The following RTTN variants were observed in gnomAD, a reference collection of about 807,000 sequenced individuals.
RTTN encodes the protein rotatin.
In RTTN, 182 loss-of-function variants were observed where a neutral mutation model predicts 269.2. That is an observed-to-expected ratio of 0.68 (90% CI 0.60 to 0.76). The LOEUF is 0.76. RTTN is among the 30% of genes least tolerant of loss of function. The pLI, the probability that RTTN is intolerant of heterozygous loss-of-function variation, is 0.00. For synonymous variants in RTTN, 1,006 were observed against 963.5 expected, an observed-to-expected ratio of 1.04 and a Z score of -0.82; for missense variants, 2,545 against 2,608.6, an observed-to-expected ratio of 0.98 and a Z score of 0.53.
intron 14 of RTTN, among the ~76,000 whole-genome samples, chr18:70,154,006 CTTTTA>C (rs373786333): frequency 3.2e-4 from 48 of 152,158 alleles, no homozygotes; most frequent in Non-Finnish European, 5.1e-4. Context: ...AGTTCACATT[CTTTTA>C]TTTTATCTCC....
At chr18:70,067,490 A>AT (rs1160778795) in intron 34 of RTTN, among the ~76,000 whole-genome samples, 1 of 152,218 alleles carries the variant, frequency 6.6e-6, no homozygotes, top group Admixed American at 6.5e-5. Context: ...ATATTTGCCT[A>AT]CAATTTGGCA....
In RTTN at chr18:70,088,117, C is replaced by G; in HGVS notation, c.4174G>C (p.Ala1392Pro). 6.2e-7 allele frequency: 1 copy of G among 1,613,636 alleles called. No homozygotes were observed. Among genetic ancestry groups the G allele is most frequent in the Non-Finnish European group, 8.5e-7 (1 of 1,179,814 alleles). Residue 1392 changes from alanine to proline, a missense_variant, in exon 31 of 49, where the codon GCA becomes CCA. By Grantham distance (27) the Ala-to-Pro change is conservative. Coordinates refer to ENST00000640769, the MANE Select transcript of RTTN (RefSeq NM_173630.4). ...CAGCCCGTTTCAAGGGTGGTCAGTG[C>G]TGATCCTAATCCCAGTGAAGTGAAT... Reference protein sequence around the residue: ...VRFTSLGLGSALTTLETGCVA... With the variant: ...VRFTSLGLGSPLTTLETGCVA...
chr18:70,062,867 G>A (rs1465104877), intron 35 of RTTN, among the ~76,000 whole-genome samples: 1 of 152,030 alleles, frequency 6.6e-6, no homozygotes, highest in Non-Finnish European at 1.5e-5. Context: ...TTATTGGTGT[G>A]AGCTGCTGTG....
At chr18:70,187,785 A>C (rs2061580113) in intron 10 of RTTN, among the ~76,000 whole-genome samples, 1 of 152,224 alleles carries the variant, frequency 6.6e-6, no homozygotes, top group Non-Finnish European at 1.5e-5. Context: ...TACAAATTTA[A>C]AATAAGAAAA....
chr18:70,139,693 T>C lies in RTTN; in HGVS notation c.2694A>G (p.Pro898=), dbSNP rs909742780. Residue 898 remains proline, a synonymous_variant, in exon 21 of 49, where the codon CCA becomes CCG. Transcript: ENST00000640769. The stretch of plus-strand genomic sequence containing the variant: ...AAACCTTCCTCAAGAGTGTGAGGCA[T>C]GGTTGTACCAAACATTCTACAACCT... ...DGKVVECLVQ[P]CLTLLRKVLC... 1 of 1,611,986 alleles carries C rather than the reference T, an allele frequency of 6.2e-7. No homozygotes were observed. Among genetic ancestry groups the C allele is most frequent in the Non-Finnish European group, 8.5e-7 (1 of 1,178,394 alleles).
chr18:70,022,492 C>T (rs961971060), intron 44 of RTTN, among the ~76,000 whole-genome samples: 13 of 152,098 alleles, frequency 8.5e-5, no homozygotes, highest in African/African-American at 2.4e-4. Flanking sequence ...TCTTTAAAAA[C>T]GAGCAAAAAC....
intron 1 of RTTN, 103 bp downstream of exon 1, chr18:70,205,525 G>A: frequency 6.7e-7 from 1 of 1,486,616 alleles, no homozygotes; most frequent in Non-Finnish European, 9.4e-7. Context: ...GTGAAAGAGG[G>A]AGCGGTCGCG....
chr18:70,122,931 C>T (rs991853266), intron 25 of RTTN, among the ~76,000 whole-genome samples: 2 of 152,018 alleles, frequency 1.3e-5, no homozygotes, highest in East Asian at 1.9e-4. Context: ...ATTTTATAAC[C>T]ACCCTCATAT....
intron 28 of RTTN, among the ~76,000 whole-genome samples, chr18:70,095,264 CTG>C (rs1240462033): frequency 2.0e-5 from 3 of 152,030 alleles, no homozygotes; most frequent in African/African-American, 7.2e-5. Flanking sequence ...ATTTGCCAGT[CTG>C]TGTCTTTTAA....
At chr18:70,054,110 A>G in intron 38 of RTTN, 21 bp downstream of exon 38, 3 of 1,596,408 alleles carry the variant, frequency 1.9e-6, no homozygotes, top group Non-Finnish European at 2.6e-6. Flanking sequence ...TTACATTCTA[A>G]ACTAAAACAA....
chr18:70,166,121 A>T lies in RTTN; in HGVS notation c.1870T>A (p.Ser624Thr). Residue 624 changes from serine (S) to threonine (T), a missense_variant, in exon 14 of 49, where the codon TCT becomes ACT. Coordinates refer to ENST00000640769, the MANE Select transcript of RTTN (RefSeq NM_173630.4). ...ESQKVLLHML[S>T]HPLPRVKAET... is the part of the protein sequence containing the mutation. Reference sequence around the variant, plus strand: ...GCTTTCACTCGTGGCAATGGGTGAGACAACATATGGAGAAGCACCTTCTGA... The same window carrying T: ...GCTTTCACTCGTGGCAATGGGTGAGTCAACATATGGAGAAGCACCTTCTGA... 1.2e-6 allele frequency: 2 copies of T among 1,613,820 alleles called. No homozygotes were observed. Among genetic ancestry groups the T allele is most frequent in the Non-Finnish European group, 1.7e-6 (2 of 1,179,756 alleles).
chr18:70,085,075 G>A (rs1338989836), intron 32 of RTTN, among the ~76,000 whole-genome samples: 1 of 152,050 alleles, frequency 6.6e-6, no homozygotes, highest in East Asian at 1.9e-4. Context: ...GTATATCCAT[G>A]TACATGGGTC....
At chr18:70,152,479 T>C (rs1011169578) in intron 14 of RTTN, among the ~76,000 whole-genome samples, 2 of 152,184 alleles carry the variant, frequency 1.3e-5, no homozygotes, top group African/African-American at 4.8e-5. Flanking sequence ...GCTCAATAAA[T>C]GTTAGCTGCT....
At chr18:70,186,745 T>C (rs931328082) in intron 10 of RTTN, among the ~76,000 whole-genome samples, 8 of 152,192 alleles carry the variant, frequency 5.3e-5, no homozygotes, top group East Asian at 1.9e-4. Flanking sequence ...TGGAGGCCAT[T>C]ATCCTATGCA....
chr18:70,058,817 T>C (rs1427352679), intron 36 of RTTN, among the ~76,000 whole-genome samples: 1 of 152,166 alleles, frequency 6.6e-6, no homozygotes, highest in Non-Finnish European at 1.5e-5. Flanking sequence ...TCAATAAATA[T>C]TAAAGCCAGA....
intron 35 of RTTN, among the ~76,000 whole-genome samples, chr18:70,060,255 T>A (rs1209309815): frequency 5.3e-5 from 8 of 152,108 alleles, no homozygotes; most frequent in African/African-American, 1.9e-4. Flanking sequence ...GATGTAGATG[T>A]GTAGATGTGT....
At chr18:70,186,931 G>C (rs987001818) in intron 10 of RTTN, among the ~76,000 whole-genome samples, 5 of 152,114 alleles carry the variant, frequency 3.3e-5, no homozygotes, top group African/African-American at 7.2e-5. Context: ...TATTACCTGG[G>C]TGACAAAATA....
Position 70,142,358 on chromosome 18 carries a change from G to C in RTTN, c.2511C>G (p.Ile837Met). 1 of 1,572,264 alleles carries C rather than the reference G, an allele frequency of 6.4e-7. No homozygotes were observed. The highest frequency in any genetic ancestry group is 8.7e-7 in the Non-Finnish European group (1 of 1,151,892). Residue 837 changes from isoleucine to methionine, a missense_variant, in exon 19 of 49, where the codon ATC (isoleucine) becomes ATG (methionine). Transcript: ENST00000640769. ...KLETVEKVYE[I>M]FTSDDVDLVL... Reference sequence around the variant, plus strand: ...CGAGATCAACATCATCTGAGGTGAAGATTTCATATACCTTTTCAACAGTCT... The same window carrying C: ...CGAGATCAACATCATCTGAGGTGAACATTTCATATACCTTTTCAACAGTCT...
At chr18:70,196,090 G>T (rs1818876835) in intron 7 of RTTN, among the ~76,000 whole-genome samples, 1 of 152,138 alleles carries the variant, frequency 6.6e-6, no homozygotes, top group African/African-American at 2.4e-5. Flanking sequence ...ATTGCAAGTT[G>T]CATAAAAATA....
Sources: allele counts gnomAD v4.1 joint callset (sites outside exome capture counted in the v4.1 genomes callset), GRCh38; gene constraint gnomAD v4.1.1; transcripts MANE v1.5; gene names NCBI Gene and HGNC (gene_info 2026-07-23, HGNC 2026-07-21).